CRPPA: variants seen among roughly 807,000 people sequenced by gnomAD.
The protein encoded by CRPPA is CDP-L-ribitol pyrophosphorylase A.
In CRPPA, 43 loss-of-function variants were observed where a neutral mutation model predicts 52.0. The observed-to-expected ratio is 0.83, with a 90% CI of 0.65 to 1.07. The LOEUF is 1.07. Among genes scored for constraint, CRPPA ranks in the 50% least tolerant of loss-of-function variants. The pLI, the probability that CRPPA is intolerant of heterozygous loss-of-function variation, is 0.00. For missense variants in CRPPA, 629 were observed against 551.7 expected (o/e 1.14, Z -1.40); for synonymous variants, 250 against 203.5 (o/e 1.23, Z -1.94).
intron 9 of CRPPA, among the ~76,000 whole-genome samples, chr7:16,168,300 T>C (rs1781108231): frequency 6.6e-6 from 1 of 152,144 alleles, no homozygotes. Context: ...ATAAATGTGT[T>C]TTTTAAATAG....
intron 3 of CRPPA, among the ~76,000 whole-genome samples, 188 bp from the exon 4 acceptor site, chr7:16,308,815 C>A (rs1784973362): frequency 6.6e-6 from 1 of 152,294 alleles, no homozygotes; most frequent in Non-Finnish European, 1.5e-5. Flanking sequence ...AATACTGCAA[C>A]CATCACGTGA....
chr7:16,230,626 C>G (rs182533734), intron 8 of CRPPA, among the ~76,000 whole-genome samples: 159 of 152,290 alleles, frequency 1.0e-3, no homozygotes, highest in African/African-American at 3.7e-3. Context: ...AGAAAGCTCA[C>G]ATGTCTCCAT....
chr7:16,360,071 T>A lies in CRPPA; in HGVS notation c.684+16021A>T, dbSNP rs570704998. ...GGACTTCATCCACACTGCATTTTTATAAATTGTCTAGCCTAAAGACAGATG... is the reference window on the plus strand; with the variant it reads ...GGACTTCATCCACACTGCATTTTTAAAAATTGTCTAGCCTAAAGACAGATG... On this transcript the variant is annotated intron_variant, in intron 3 of 9. Coordinates refer to ENST00000407010, the MANE Select transcript of CRPPA (RefSeq NM_001101426.4). Among the ~76,000 whole-genome samples, 13 of 152,332 alleles carry A rather than the reference T, an allele frequency of 8.5e-5. No individual in the cohort carries two copies. In the East Asian group the frequency reaches 2.3e-3, roughly 27 times the overall value.
rs545704489 is a variant in CRPPA, at chr7:16,413,289, A to G, written c.258-6952T>C. 4.6e-5 allele frequency among the ~76,000 whole-genome samples: 7 copies of G among 152,328 alleles called. No individual in the cohort carries two copies. In the South Asian group the frequency reaches 1.5e-3, roughly 32 times the overall value. ...GCTCCCGGTTGTCAGGCCTCAGCCT[A>G]CCTGCCTTAGACTTACCACTTATTT... On this transcript the variant is annotated intron_variant, in intron 1 of 9. Transcript: ENST00000407010.
At chr7:16,395,800 A>G (rs888194418) in intron 2 of CRPPA, among the ~76,000 whole-genome samples, 1 of 152,234 alleles carries the variant, frequency 6.6e-6, no homozygotes, top group African/African-American at 2.4e-5. Context: ...GTTAAACCAT[A>G]GATACTGTCA....
At chr7:16,291,843 T>C (rs2107588) in intron 5 of CRPPA, among the ~76,000 whole-genome samples, 33,802 of 151,734 alleles carry the variant, frequency 0.22, 4,669 homozygotes, top group Admixed American at 0.31. Context: ...TATAAATACA[T>C]ACCAATTTTT....
chr7:16,389,928 A>ATAATATATAT, intron 2 of CRPPA, among the ~76,000 whole-genome samples: 1 of 29,760 alleles, frequency 3.4e-5, no homozygotes, highest in Middle Eastern at 0.023. Flanking sequence ...AAAAAAAAAA[A>ATAATATATAT]ATATATATAT....
At chr7:16,199,653 A>G (rs546161030) in intron 9 of CRPPA, among the ~76,000 whole-genome samples, 4 of 97,902 alleles carry the variant, frequency 4.1e-5, no homozygotes, top group Non-Finnish European at 8.6e-5. Flanking sequence ...TGCTCAAACC[A>G]TAAGTTCACT....
chr7:16,236,541 A>T (rs979906313), intron 8 of CRPPA, among the ~76,000 whole-genome samples: 5 of 152,136 alleles, frequency 3.3e-5, no homozygotes, highest in African/African-American at 1.2e-4. Context: ...AGTTTCTGGC[A>T]CTGATTCCAT....
intron 8 of CRPPA, among the ~76,000 whole-genome samples, chr7:16,242,357 T>TTCA (rs1258004070): frequency 6.6e-6 from 1 of 152,194 alleles, no homozygotes; most frequent in Non-Finnish European, 1.5e-5. Flanking sequence ...TAAGAATGTT[T>TTCA]TCATCATTAC....
chr7:16,309,053 A>G (rs577511562), intron 3 of CRPPA, among the ~76,000 whole-genome samples: 1 of 152,300 alleles, frequency 6.6e-6, no homozygotes, highest in African/African-American at 2.4e-5. Context: ...ATATCAGGAC[A>G]TTTGCAGGTC....
intron 9 of CRPPA, among the ~76,000 whole-genome samples, chr7:16,198,900 C>A (rs373252935): frequency 6.6e-6 from 1 of 152,224 alleles, no homozygotes; most frequent in East Asian, 1.9e-4. Flanking sequence ...GAACTTCCAA[C>A]ACATAATGAC....
intron 1 of CRPPA, among the ~76,000 whole-genome samples, chr7:16,418,276 T>C (rs1788242986): frequency 6.6e-6 from 1 of 152,188 alleles, no homozygotes; most frequent in Non-Finnish European, 1.5e-5. Flanking sequence ...AAATGAGCCA[T>C]GAAGTATTTC....
Position 16,089,370 on chromosome 7 carries a change from G to GTACA in CRPPA, c.*2321_*2324dup, listed in dbSNP as rs138718602. ...TACGTATATACATACATACATGCAT[G>GTACA]TACATATATACGTATATATGTATGT... On this transcript the variant is annotated 3_prime_UTR_variant, in exon 10 of 10. Coordinates refer to ENST00000407010, the MANE Select transcript of CRPPA (RefSeq NM_001101426.4). 210,777 of 284,466 alleles carry GTACA rather than the reference G, an allele frequency of 0.74. 87,468 individuals carry two copies. Among genetic ancestry groups the GTACA allele is most frequent in the Admixed American group, 0.82 (21,336 of 25,954 alleles). The allele number at this position is 284,466 out of a possible 1,614,324, so 17.6% of individuals were successfully genotyped here.
intron 2 of CRPPA, among the ~76,000 whole-genome samples, chr7:16,397,363 G>A (rs1310948335): frequency 6.6e-6 from 1 of 152,192 alleles, no homozygotes; most frequent in African/African-American, 2.4e-5. Flanking sequence ...GGTGACTGAC[G>A]TGTGTAACAC....
chr7:16,262,083 C>A (rs1783826043), intron 6 of CRPPA: 1 of 152,086 alleles, frequency 6.6e-6, no homozygotes, highest in South Asian at 2.1e-4. Context: ...TGGGGAATTT[C>A]CAAATCAACC....
At chr7:16,334,455 A>C (rs775813763) in intron 3 of CRPPA, among the ~76,000 whole-genome samples, 6 of 152,156 alleles carry the variant, frequency 3.9e-5, no homozygotes, top group East Asian at 1.9e-4. Context: ...GCTCTGCTTA[A>C]TTTTAACCTA....
At chr7:16,338,300 C>T (rs1785737715) in intron 3 of CRPPA, among the ~76,000 whole-genome samples, 1 of 152,128 alleles carries the variant, frequency 6.6e-6, no homozygotes, top group African/African-American at 2.4e-5. Context: ...GTCATATGAT[C>T]TTGATACATG....
At chr7:16,370,195 C>A (rs1288460853) in intron 3 of CRPPA, among the ~76,000 whole-genome samples, 1 of 152,184 alleles carries the variant, frequency 6.6e-6, no homozygotes, top group Non-Finnish European at 1.5e-5. Context: ...GTGATATAAT[C>A]TCAAGTGGGG....
Sources: allele counts gnomAD v4.1 joint callset (sites outside exome capture counted in the v4.1 genomes callset), GRCh38; gene constraint gnomAD v4.1.1; transcripts MANE v1.5; gene names NCBI Gene and HGNC (gene_info 2026-07-23, HGNC 2026-07-21).